Variants in NLRP14 observed in about 807,000 individuals in gnomAD.
NLRP14 encodes NLR family pyrin domain containing 14.
NLRP14 carries 105 observed loss-of-function variants against 94.7 expected under a neutral mutation model. The observed-to-expected ratio is 1.11, with a 90% CI of 0.95 to 1.30. The LOEUF (loss-of-function observed/expected upper bound fraction) is 1.30, where lower values mean the gene tolerates loss of function less well. NLRP14 is among the 50% of genes most tolerant of loss of function. NLRP14 has a pLI of 0.00. For missense variants in NLRP14, 1,362 were observed against 1,254.1 expected (o/e 1.09, Z -1.30); for synonymous variants, 508 against 459.9 (o/e 1.10, Z -1.34).
chr11:7,074,890 C>A (rs1489610424), downstream of NLRP14, among the ~76,000 whole-genome samples: 1 of 152,068 alleles, frequency 6.6e-6, no homozygotes, highest in East Asian at 1.9e-4. Flanking sequence ...CCCAGTAAAT[C>A]TACATTTTAT....
Position 7,038,563 on chromosome 11 carries a change from CAGAGGCCTGAATATTTGGACA to C in NLRP14, c.-20_1del, listed in dbSNP as rs1852194410. ...CTTTTGGTTATTTTTTTTCCCCCCA[CAGAGGCCTGAATATTTGGACA>C]AGATGGCAGATTCATCATCATCTTC... On this transcript the variant is annotated splice_acceptor_variant and 5_prime_UTR_variant, in exon 2 of 12. Transcript: ENST00000299481. LOFTEE classifies it low-confidence loss of function (5UTR_SPLICE). 1 of 1,611,672 alleles carries C rather than the reference CAGAGGCCTGAATATTTGGACA, an allele frequency of 6.2e-7. No homozygotes were observed. Among genetic ancestry groups the C allele is most frequent in the African/African-American group, 1.3e-5 (1 of 74,968 alleles).
intron 1 of NLRP14, among the ~76,000 whole-genome samples, chr11:7,037,934 T>C (rs947953864): frequency 2.6e-5 from 4 of 152,156 alleles, no homozygotes; most frequent in Non-Finnish European, 5.9e-5. Context: ...ACTGTGGTGT[T>C]GGGGAAAGTG....
downstream of NLRP14, among the ~76,000 whole-genome samples, chr11:7,074,205 A>C (rs1343127865): frequency 2.6e-5 from 4 of 152,214 alleles, no homozygotes; most frequent in Non-Finnish European, 5.9e-5. Flanking sequence ...AGACCTTGGC[A>C]GTCAGAGGGG....
chr11:7,063,404 C>T (rs1257154925), intron 10 of NLRP14, among the ~76,000 whole-genome samples: 2 of 151,996 alleles, frequency 1.3e-5, no homozygotes, highest in Non-Finnish European at 2.9e-5. Flanking sequence ...AGATGGATGC[C>T]TGCACATGCA....
intron 6 of NLRP14, among the ~76,000 whole-genome samples, chr11:7,056,105 GGAAA>G (rs913602460): frequency 3.7e-4 from 56 of 151,972 alleles, no homozygotes; most frequent in African/African-American, 1.3e-3. Context: ...TAGAAAACTA[GGAAA>G]GAGTTTTATT....
chr11:7,052,460 C>G (rs1238878089), intron 6 of NLRP14, among the ~76,000 whole-genome samples: 3 of 152,132 alleles, frequency 2.0e-5, no homozygotes, highest in Non-Finnish European at 4.4e-5. Flanking sequence ...TGGCAAAACC[C>G]CATCTCTACT....
downstream of NLRP14, among the ~76,000 whole-genome samples, chr11:7,073,164 A>T (rs76909993): frequency 6.6e-6 from 1 of 152,196 alleles, no homozygotes; most frequent in Non-Finnish European, 1.5e-5. Flanking sequence ...CTAGGCCCAG[A>T]ACTGGCATAA....
chr11:7,043,806 T>A lies in NLRP14; in HGVS notation c.1780T>A (p.Phe594Ile). 1 of 1,614,178 alleles carries A rather than the reference T, an allele frequency of 6.2e-7. No homozygotes were observed. Among genetic ancestry groups the A allele is most frequent in the Non-Finnish European group, 8.5e-7 (1 of 1,180,008 alleles). The change falls in exon 4 of 12, where the codon TTT becomes ATT. Residue 594 changes from phenylalanine (F) to isoleucine (I), a missense_variant. Transcript: ENST00000299481. ...TCTGTATGAGACTCAAGATAAAGCG[T>A]TTATAAGCCAGGCAATGAGATGTTT... is the stretch of plus-strand genomic sequence containing the variant. ...HCLYETQDKA[F>I]ISQAMRCFPK...
Position 7,069,192 on chromosome 11 carries a change from C to T in NLRP14, c.2976-1094C>T, listed in dbSNP as rs1378282872. Reference sequence around the variant, plus strand: ...GAATTCATGATAACACTTTGTTTTACGATGCTTTTTCCCCTAAGGAAGATT... The same window carrying T: ...GAATTCATGATAACACTTTGTTTTATGATGCTTTTTCCCCTAAGGAAGATT... On this transcript the variant is annotated intron_variant, in intron 10 of 11. Coordinates refer to ENST00000299481, the MANE Select transcript of NLRP14 (RefSeq NM_176822.4). Among the ~76,000 whole-genome samples the T allele has an allele frequency of 6.6e-5, 10 of 152,048 alleles. No individual in the cohort carries two copies. The East Asian group carries it at 9.6e-4, about 15-fold the overall frequency.
chr11:7,026,243 C>T (rs962531522), intron 1 of NLRP14, among the ~76,000 whole-genome samples: 89 of 152,098 alleles, frequency 5.9e-4, no homozygotes, highest in African/African-American at 1.7e-3. Flanking sequence ...AGAAAATTTT[C>T]GCAACCTACT....
At chr11:7,024,586 T>G (rs1851989075) in intron 1 of NLRP14, among the ~76,000 whole-genome samples, 2 of 152,164 alleles carry the variant, frequency 1.3e-5, no homozygotes, top group Non-Finnish European at 2.9e-5. Context: ...CTGGAATCTG[T>G]GTGGGTATTG....
chr11:7,084,997 GA>G, the NLRP14 span, among the ~76,000 whole-genome samples: 12 of 152,248 alleles, frequency 7.9e-5, no homozygotes, highest in Admixed American at 7.2e-4. Flanking sequence ...TTGGTGAGGG[GA>G]AAAACTCTGT....
chr11:7,067,760 T>C (rs368651341), intron 10 of NLRP14, among the ~76,000 whole-genome samples: 2 of 152,234 alleles, frequency 1.3e-5, no homozygotes, highest in East Asian at 1.9e-4. Context: ...AGATAGGTTA[T>C]AATTTCTTTT....
At chr11:7,081,438 A>G in the NLRP14 span, among the ~76,000 whole-genome samples, 1 of 152,014 alleles carries the variant, frequency 6.6e-6, no homozygotes, top group East Asian at 1.9e-4. Flanking sequence ...ATAGTCACAG[A>G]GTCCTCTGAT....
At chr11:7,022,135 C>T (rs12363409) in intron 1 of NLRP14, among the ~76,000 whole-genome samples, 2 of 152,182 alleles carry the variant, frequency 1.3e-5, no homozygotes, top group Non-Finnish European at 1.5e-5. Context: ...GGTGCCCGGC[C>T]TAGAGCCTAT....
the NLRP14 span, among the ~76,000 whole-genome samples, chr11:7,082,435 T>G: frequency 2.0e-5 from 3 of 152,174 alleles, no homozygotes; most frequent in Non-Finnish European, 2.9e-5. Context: ...TCATATTTCA[T>G]GAAAATGTCT....
chr11:7,089,360 G>A, the NLRP14 span: 11 of 1,606,320 alleles, frequency 6.8e-6, no homozygotes, highest in Non-Finnish European at 9.3e-6. Flanking sequence ...AGGCCATCAA[G>A]GTGGCCCAGG....
Position 7,070,433 on chromosome 11 carries a change from T to G in NLRP14, c.3123T>G (p.Pro1041=), listed in dbSNP as rs1215641622. Residue 1041 remains proline (P), a synonymous_variant, in exon 11 of 12, where the codon CCT becomes CCG. Transcript: ENST00000299481. ...IVKLYKVLKS[P]KCKLQVLGLC... Reference sequence around the variant, plus strand: ...AGTTATATAAAGTCTTGAAGTCTCCTAAGTGTAAACTACAAGTTCTAGGGT... The same window carrying G: ...AGTTATATAAAGTCTTGAAGTCTCCGAAGTGTAAACTACAAGTTCTAGGGT... The G allele has an allele frequency of 2.5e-6, 4 of 1,611,582 alleles. No homozygotes were observed. The highest frequency in any genetic ancestry group is 1.7e-4 in the Middle Eastern group (1 of 6,056).
At chr11:7,057,463 A>T (rs954464257) in intron 6 of NLRP14, among the ~76,000 whole-genome samples, 1 of 152,032 alleles carries the variant, frequency 6.6e-6, no homozygotes, top group African/African-American at 2.4e-5. Flanking sequence ...AATTAAGGGG[A>T]TGGGAATGTG....
Sources: gnomAD v4.1 joint callset for allele counts (sites outside exome capture counted in the v4.1 genomes callset) on GRCh38, gnomAD v4.1.1 for gene constraint, MANE v1.5 for transcripts, NCBI Gene and HGNC (gene_info 2026-07-23, HGNC 2026-07-21) for gene names.